The following PRKCQ variants were observed in gnomAD, a reference collection of about 807,000 sequenced individuals.
The protein encoded by PRKCQ is protein kinase C theta type.
A neutral mutation model predicts 91.2 loss-of-function variants in PRKCQ; 41 were observed. That is an observed-to-expected ratio of 0.45 (90% CI 0.35 to 0.58). PRKCQ has a LOEUF of 0.58. Ranked by LOEUF, PRKCQ falls within the 20% of genes least tolerant of loss-of-function variation. The pLI is 0.00. For missense variants in PRKCQ, 673 were observed against 896.5 expected (o/e 0.75, Z 3.18); for synonymous variants, 307 against 316.9 (o/e 0.97, Z 0.33).
the PRKCQ span, among the ~76,000 whole-genome samples, chr10:6,408,035 G>A: frequency 2.3e-5 from 3 of 132,116 alleles, no homozygotes; most frequent in African/African-American, 9.3e-5. Context: ...ATTTCCAGTG[G>A]TCTTGTGTCA....
chr10:6,499,921 C>T (rs1055162862), intron 4 of PRKCQ, among the ~76,000 whole-genome samples: 1 of 152,362 alleles, frequency 6.6e-6, no homozygotes, highest in Admixed American at 6.5e-5. Flanking sequence ...CATCCCAGGA[C>T]ACATTGTAGG....
the PRKCQ span, among the ~76,000 whole-genome samples, chr10:6,417,698 T>A: frequency 1.3e-5 from 2 of 152,220 alleles, no homozygotes; most frequent in African/African-American, 4.8e-5. Flanking sequence ...CAGTCGAGAA[T>A]CCAGGTGCAC....
intron 1 of PRKCQ, among the ~76,000 whole-genome samples, chr10:6,547,127 G>C (rs541198400): frequency 1.3e-5 from 2 of 152,044 alleles, no homozygotes; most frequent in Non-Finnish European, 1.5e-5. Flanking sequence ...TGCTGGATTC[G>C]GTTTGCCAGT....
chr10:6,455,329 T>G (rs1428890639), intron 15 of PRKCQ, among the ~76,000 whole-genome samples: 1 of 152,228 alleles, frequency 6.6e-6, no homozygotes, highest in Non-Finnish European at 1.5e-5. Context: ...GAAAGTTATT[T>G]AATCAATAAG....
intron 1 of PRKCQ, among the ~76,000 whole-genome samples, chr10:6,523,343 C>CG (rs1387975736): frequency 1.3e-5 from 2 of 151,936 alleles, no homozygotes; most frequent in African/African-American, 4.8e-5. Flanking sequence ...TCCGGCTACT[C>CG]GGGAGGCCAA....
At chr10:6,559,833 GTGTT>G (rs1840557731) in intron 1 of PRKCQ, among the ~76,000 whole-genome samples, 1 of 116,996 alleles carries the variant, frequency 8.5e-6, no homozygotes, top group Admixed American at 8.9e-5. Flanking sequence ...TTGTGTGTGT[GTGTT>G]TGTTTTTATT....
chr10:6,552,339 A>G (rs1323649767), intron 1 of PRKCQ, among the ~76,000 whole-genome samples: 1 of 152,190 alleles, frequency 6.6e-6, no homozygotes, highest in African/African-American at 2.4e-5. Context: ...ACACAATATA[A>G]ATCACTGTTT....
chr10:6,516,667 TTC>T (rs1203681703), intron 1 of PRKCQ, among the ~76,000 whole-genome samples: 7 of 152,312 alleles, frequency 4.6e-5, no homozygotes, highest in African/African-American at 1.7e-4. Context: ...TGTTGGGACT[TTC>T]TGAAGATTTC....
intron 1 of PRKCQ, among the ~76,000 whole-genome samples, chr10:6,530,130 A>G (rs534830789): frequency 6.6e-6 from 1 of 152,250 alleles, no homozygotes; most frequent in Admixed American, 6.5e-5. Flanking sequence ...TTCTCAACAC[A>G]TCATGGGGTA....
intron 1 of PRKCQ, among the ~76,000 whole-genome samples, chr10:6,578,644 G>A (rs1841332154): frequency 6.6e-6 from 1 of 152,182 alleles, no homozygotes; most frequent in Non-Finnish European, 1.5e-5. Flanking sequence ...ATCAGCAGGA[G>A]GAAGGGACTA....
chr10:6,501,748 C>T (rs947781283), intron 4 of PRKCQ, among the ~76,000 whole-genome samples: 19 of 151,782 alleles, frequency 1.3e-4, no homozygotes, highest in Admixed American at 7.9e-4. Flanking sequence ...CGCTTGAACT[C>T]GGGAGGCGGA....
At chr10:6,439,734 A>T (rs1020230228) in intron 16 of PRKCQ, among the ~76,000 whole-genome samples, 1 of 147,064 alleles carries the variant, frequency 6.8e-6, no homozygotes, top group Admixed American at 6.6e-5. Flanking sequence ...AGTATATCAT[A>T]CATATAACAT....
At chr10:6,449,490 C>T (rs1834526245) in intron 15 of PRKCQ, among the ~76,000 whole-genome samples, 1 of 151,992 alleles carries the variant, frequency 6.6e-6, no homozygotes, top group African/African-American at 2.4e-5. Flanking sequence ...GAGAATGGAA[C>T]CAAGTTGGAA....
intron 3 of PRKCQ, among the ~76,000 whole-genome samples, chr10:6,509,651 T>C (rs970081704): frequency 3.9e-5 from 6 of 152,132 alleles, no homozygotes; most frequent in Non-Finnish European, 5.9e-5. Flanking sequence ...TCAGGTGAAC[T>C]GCTCACCTTG....
chr10:6,458,610 G>A (rs1467818626), intron 14 of PRKCQ, among the ~76,000 whole-genome samples: 1 of 152,136 alleles, frequency 6.6e-6, no homozygotes, highest in Non-Finnish European at 1.5e-5. Flanking sequence ...GGGCATCACA[G>A]TTGGCTTCCC....
chr10:6,476,500 C>T (rs917682456), intron 12 of PRKCQ, among the ~76,000 whole-genome samples: 1 of 152,164 alleles, frequency 6.6e-6, no homozygotes, highest in Admixed American at 6.5e-5. Flanking sequence ...CTTATACATG[C>T]AAATGTTCTT....
At chr10:6,449,278 T>A in intron 15 of PRKCQ, among the ~76,000 whole-genome samples, 1 of 150,646 alleles carries the variant, frequency 6.6e-6, no homozygotes, top group African/African-American at 2.5e-5. Context: ...GAGAACTACA[T>A]GAAGAATGCA....
rs1839062709 is a variant in PRKCQ, at chr10:6,522,747, T to C, written c.-9-7603A>G. ...GAGTCTCACAGAATTAAAATAACAA[T>C]AGTCATCACTTGTATCAAAACCTCT... On this transcript the variant is annotated intron_variant, in intron 1 of 17. Transcript: ENST00000263125. 2.0e-5 allele frequency among the ~76,000 whole-genome samples: 3 copies of C among 152,136 alleles called. No homozygotes were observed. In the South Asian group the frequency reaches 6.2e-4, roughly 32 times the overall value.
the PRKCQ span, among the ~76,000 whole-genome samples, chr10:6,408,273 C>T: frequency 2.6e-5 from 4 of 152,034 alleles, no homozygotes; most frequent in African/African-American, 9.7e-5. Context: ...ATTCTGTGTT[C>T]TGTATTTCTT....
Sources: gnomAD v4.1 joint callset for allele counts (sites outside exome capture counted in the v4.1 genomes callset) on GRCh38, gnomAD v4.1.1 for gene constraint, MANE v1.5 for transcripts, NCBI Gene and HGNC (gene_info 2026-07-23, HGNC 2026-07-21) for gene names.